The following KLHL1 variants were observed in gnomAD, a reference collection of about 807,000 sequenced individuals.
KLHL1 encodes the protein kelch-like protein 1.
KLHL1 carries 47 observed loss-of-function variants against 77.7 expected under a neutral mutation model. That is an observed-to-expected ratio of 0.60 (90% confidence interval 0.48 to 0.77). The LOEUF (loss-of-function observed/expected upper bound fraction) is 0.77. Among genes scored for constraint, KLHL1 ranks in the 30% least tolerant of loss-of-function variants. KLHL1 has a pLI of 0.00. For missense variants in KLHL1, 925 were observed against 910.8 expected, an observed-to-expected ratio of 1.02 and a Z score of -0.20; for synonymous variants, 360 against 325.2, an observed-to-expected ratio of 1.11 and a Z score of -1.15.
At chr13:70,002,203 AAAG>A (rs1403592127) in intron 1 of KLHL1, among the ~76,000 whole-genome samples, 27 of 151,764 alleles carry the variant, frequency 1.8e-4, no homozygotes, top group African/African-American at 6.5e-4. Context: ...CCATTCATGC[AAAG>A]AAGAAGAAAA....
intron 1 of KLHL1, among the ~76,000 whole-genome samples, chr13:69,987,023 G>A (rs1884889770): frequency 6.6e-6 from 1 of 151,668 alleles, no homozygotes; most frequent in African/African-American, 2.4e-5. Flanking sequence ...TAAAATATAT[G>A]TTTATACATA....
At chr13:70,038,703 G>C in intron 1 of KLHL1, among the ~76,000 whole-genome samples, 1 of 146,228 alleles carries the variant, frequency 6.8e-6, no homozygotes, top group East Asian at 2.1e-4. Context: ...TGAGTCTCCT[G>C]CCTCAGCCTC....
chr13:70,104,671 G>GTAAAAT (rs1199218809), intron 1 of KLHL1, among the ~76,000 whole-genome samples: 2 of 152,044 alleles, frequency 1.3e-5, no homozygotes, highest in Non-Finnish European at 2.9e-5. Context: ...TATTAAATAT[G>GTAAAAT]ACATCATTGT....
At chr13:69,870,446 T>TG (rs202154745) in intron 5 of KLHL1, among the ~76,000 whole-genome samples, 4,483 of 152,088 alleles carry the variant, frequency 0.029, 86 homozygotes, top group Non-Finnish European at 0.044. Context: ...CATGAGTTTT[T>TG]GGGGGACAAA....
intron 3 of KLHL1, among the ~76,000 whole-genome samples, chr13:69,960,633 T>G (rs1180098882): frequency 6.6e-6 from 1 of 152,080 alleles, no homozygotes; most frequent in Non-Finnish European, 1.5e-5. Flanking sequence ...TCTGTGAGCT[T>G]CATGAGGGCA....
At chr13:69,772,357 A>T (rs1053227662) in intron 7 of KLHL1, among the ~76,000 whole-genome samples, 2 of 151,636 alleles carry the variant, frequency 1.3e-5, no homozygotes, top group Non-Finnish European at 2.9e-5. Context: ...AGAACAGCAA[A>T]TTTTTTCTCA....
rs1882914047 is a variant in KLHL1 at position 69,929,206 on chromosome 13, A to G, written c.1014+10834T>C. ...CATTGCTTCACAGTTAATGATAAAC[A>G]CATCAAGTGAGCTACTCAAAGACAC... is the stretch of plus-strand genomic sequence containing the variant. On this transcript the variant is annotated intron_variant, in intron 4 of 10. Transcript: ENST00000377844. Among the ~76,000 whole-genome samples the G allele has an allele frequency of 2.0e-5, 3 of 152,158 alleles. No homozygotes were observed. In the South Asian group the frequency reaches 6.2e-4, roughly 32 times the overall value.
chr13:69,968,144 C>G (rs1271067414), intron 2 of KLHL1, among the ~76,000 whole-genome samples: 1 of 151,764 alleles, frequency 6.6e-6, no homozygotes, highest in Non-Finnish European at 1.5e-5. Context: ...CCTGATCAAT[C>G]AGAAGCCATC....
chr13:70,069,271 C>T (rs1430843878), intron 1 of KLHL1, among the ~76,000 whole-genome samples: 1 of 152,146 alleles, frequency 6.6e-6, no homozygotes, highest in Non-Finnish European at 1.5e-5. Context: ...TAAGTAGGTT[C>T]TAGGAACATC....
chr13:69,880,075 C>T (rs1262358164), intron 5 of KLHL1, among the ~76,000 whole-genome samples: 1 of 152,132 alleles, frequency 6.6e-6, no homozygotes, highest in Non-Finnish European at 1.5e-5. Context: ...GGAAATGGCA[C>T]TCATATTGTA....
At chr13:69,854,464 A>G (rs1315467397) in intron 5 of KLHL1, among the ~76,000 whole-genome samples, 3 of 152,002 alleles carry the variant, frequency 2.0e-5, no homozygotes, top group Non-Finnish European at 4.4e-5. Context: ...GGGATCCTCT[A>G]CCATGACCCA....
intron 7 of KLHL1, among the ~76,000 whole-genome samples, chr13:69,787,270 C>G (rs1876604531): frequency 6.6e-6 from 1 of 152,112 alleles, no homozygotes; most frequent in East Asian, 1.9e-4. Flanking sequence ...TACTACAAGG[C>G]TACAGTAACC....
intron 1 of KLHL1, among the ~76,000 whole-genome samples, chr13:70,052,457 A>G: frequency 6.6e-6 from 1 of 151,982 alleles, no homozygotes; most frequent in East Asian, 1.9e-4. Flanking sequence ...AGAAAATTAA[A>G]AAAAACCCTT....
At chr13:69,912,003 A>G (rs992477553) in intron 4 of KLHL1, among the ~76,000 whole-genome samples, 1 of 152,154 alleles carries the variant, frequency 6.6e-6, no homozygotes, top group Non-Finnish European at 1.5e-5. Flanking sequence ...TCTCTGTTCT[A>G]TTTGGTTGAA....
chr13:69,723,621 G>A (rs1873164728), intron 8 of KLHL1, among the ~76,000 whole-genome samples: 1 of 152,068 alleles, frequency 6.6e-6, no homozygotes, highest in Admixed American at 6.6e-5. Context: ...TTCAGGCCAT[G>A]ATAGAAGAGG....
At chr13:69,993,374 C>T (rs1006734012) in intron 1 of KLHL1, among the ~76,000 whole-genome samples, 1 of 152,020 alleles carries the variant, frequency 6.6e-6, no homozygotes, top group South Asian at 2.1e-4. Context: ...GGAGCTTCAT[C>T]CCCTGTACAG....
chr13:69,777,038 G>A (rs1311313665), intron 7 of KLHL1, among the ~76,000 whole-genome samples: 1 of 152,102 alleles, frequency 6.6e-6, no homozygotes, highest in Non-Finnish European at 1.5e-5. Flanking sequence ...GGGACAGGGT[G>A]GGTGATAAAT....
intron 1 of KLHL1, among the ~76,000 whole-genome samples, chr13:69,988,857 G>A (rs1884946709): frequency 6.6e-6 from 1 of 151,858 alleles, no homozygotes; most frequent in South Asian, 2.1e-4. Context: ...GGATATTAGA[G>A]CTTTTGTCCT....
At chr13:69,810,224 G>A (rs115504080) in intron 6 of KLHL1, among the ~76,000 whole-genome samples, 6,936 of 152,076 alleles carry the variant, frequency 0.046, 282 homozygotes, top group African/African-American at 0.11. Flanking sequence ...CTACCCAACA[G>A]CCACAGAATA....
Sources: allele counts gnomAD v4.1 joint callset (sites outside exome capture counted in the v4.1 genomes callset), GRCh38; gene constraint gnomAD v4.1.1; transcripts MANE v1.5; gene names NCBI Gene and HGNC (gene_info 2026-07-23, HGNC 2026-07-21).